Variants in ZNF516 observed in about 807,000 individuals in gnomAD.
ZNF516 encodes zinc finger protein 516.
ZNF516 carries 19 observed loss-of-function variants against 79.7 expected under a neutral mutation model. The observed-to-expected ratio is 0.24, with a 90% CI of 0.17 to 0.35. ZNF516 has a LOEUF of 0.35. ZNF516 is among the 10% of genes least tolerant of loss of function. The pLI, the probability that ZNF516 is intolerant of heterozygous loss-of-function variation, is 1.00. For missense variants in ZNF516, 1,678 were observed against 1,679.5 expected (o/e 1.00, Z 0.02); for synonymous variants, 877 against 739.5 (o/e 1.19, Z -3.02).
chr18:76,480,527 A>G (rs1568327492), intron 1 of ZNF516, among the ~76,000 whole-genome samples: 1 of 91,482 alleles, frequency 1.1e-5, no homozygotes, highest in South Asian at 4.5e-4. Flanking sequence ...ACACACACAT[A>G]TATTTTTTTT....
chr18:76,370,357 C>T (rs2074682134), intron 6 of ZNF516, among the ~76,000 whole-genome samples, 171 bp downstream of exon 6: 1 of 152,210 alleles, frequency 6.6e-6, no homozygotes, highest in East Asian at 1.9e-4. Flanking sequence ...TGTGCGGGTA[C>T]TGCCCACAGA....
intron 1 of ZNF516, among the ~76,000 whole-genome samples, chr18:76,494,885 G>A (rs1273184165): frequency 2.5e-5 from 1 of 40,484 alleles, no homozygotes; most frequent in African/African-American, 1.0e-4. Context: ...ACCACCTCCC[G>A]GGCGCTCGCC....
chr18:76,374,525 CG>C (rs1239562667), intron 4 of ZNF516, among the ~76,000 whole-genome samples: 3 of 152,248 alleles, frequency 2.0e-5, no homozygotes, highest in East Asian at 1.9e-4. Context: ...CATGTGGGGG[CG>C]GGGAAGTCTT....
intron 4 of ZNF516, among the ~76,000 whole-genome samples, chr18:76,373,682 T>C (rs1409891955): frequency 6.6e-6 from 1 of 152,276 alleles, no homozygotes; most frequent in Non-Finnish European, 1.5e-5. Context: ...TCATCCGTGC[T>C]TATTTCCTTG....
rs992073907 is a variant in ZNF516 at position 76,435,283 on chromosome 18, C to T, written c.1810+5962G>A. 4.6e-5 allele frequency among the ~76,000 whole-genome samples: 7 copies of T among 152,292 alleles called. 1 individual carries two copies. In the South Asian group the frequency reaches 6.2e-4, roughly 14 times the overall value. On this transcript the variant is annotated intron_variant, in intron 3 of 6. Transcript: ENST00000443185. ...CCGGAGTATAATCTCTGAAGTCTAACGCTTTTCACAGTCTAATAAATTCAT... is the reference window on the plus strand; with the variant it reads ...CCGGAGTATAATCTCTGAAGTCTAATGCTTTTCACAGTCTAATAAATTCAT...
At chr18:76,400,313 T>A (rs968619586) in intron 3 of ZNF516, among the ~76,000 whole-genome samples, 1 of 152,224 alleles carries the variant, frequency 6.6e-6, no homozygotes, top group Non-Finnish European at 1.5e-5. Flanking sequence ...CACAGAGGTT[T>A]ATGTTACAAT....
intron 1 of ZNF516, among the ~76,000 whole-genome samples, chr18:76,463,627 C>A (rs1476700722): frequency 6.6e-6 from 1 of 152,198 alleles, no homozygotes; most frequent in African/African-American, 2.4e-5. Flanking sequence ...GCCACCTACT[C>A]ACCTCCTCCG....
chr18:76,392,008 G>A (rs541140228), intron 3 of ZNF516, among the ~76,000 whole-genome samples: 14 of 152,318 alleles, frequency 9.2e-5, no homozygotes, highest in Admixed American at 2.0e-4. Flanking sequence ...TCTCTGCCGC[G>A]GCTCACAACG....
At chr18:76,385,776 G>GC (rs147872052) in intron 3 of ZNF516, 28,736 of 146,534 alleles carry the variant, frequency 0.2, 2,774 homozygotes, top group Middle Eastern at 0.29. Context: ...CCACTGCACT[G>GC]CCCCCCCCCC....
chr18:76,437,335 C>A, intron 3 of ZNF516, among the ~76,000 whole-genome samples: 2 of 152,028 alleles, frequency 1.3e-5, no homozygotes, highest in East Asian at 3.9e-4. Flanking sequence ...GCTCTGAGGA[C>A]GGGGCTGCTG....
chr18:76,390,777 T>TA (rs1253894998), intron 3 of ZNF516, among the ~76,000 whole-genome samples: 1 of 152,148 alleles, frequency 6.6e-6, no homozygotes, highest in Admixed American at 6.5e-5. Context: ...GGCGGTGTGA[T>TA]AAACACATGA....
chr18:76,390,150 C>G (rs569207992), intron 3 of ZNF516, among the ~76,000 whole-genome samples: 1 of 152,296 alleles, frequency 6.6e-6, no homozygotes, highest in South Asian at 2.1e-4. Context: ...TGGTCACGAC[C>G]CGGACCCCGG....
intron 3 of ZNF516, among the ~76,000 whole-genome samples, chr18:76,420,116 T>C (rs1372198720): frequency 6.6e-6 from 1 of 152,254 alleles, no homozygotes; most frequent in Admixed American, 6.5e-5. Flanking sequence ...TGCATTTCTG[T>C]AGGTTTTCAC....
In ZNF516 at chr18:76,358,237, A is replaced by G. The variant is rs1303968740; in HGVS notation, c.*4261T>C. On this transcript the variant is annotated 3_prime_UTR_variant, in exon 7 of 7. Coordinates refer to ENST00000443185, the MANE Select transcript of ZNF516 (RefSeq NM_014643.4). ...TTTATTTCAAATTCCAATAGAATGA[A>G]TATGTTTTATCTAAATATTTTTATC... is the stretch of plus-strand genomic sequence containing the variant. 3 of 152,256 alleles carry G rather than the reference A, an allele frequency of 2.0e-5. No homozygotes were observed. Among genetic ancestry groups the G allele is most frequent in the Admixed American group, 6.5e-5 (1 of 15,288 alleles). 9.4% of individuals were successfully genotyped at this position (152,256 alleles called of 1,614,324 possible).
At chr18:76,464,004 C>T (rs899889578) in intron 1 of ZNF516, among the ~76,000 whole-genome samples, 9 of 152,070 alleles carry the variant, frequency 5.9e-5, no homozygotes, top group African/African-American at 2.2e-4. Context: ...GGCACCACGC[C>T]ATGTTTCTCC....
intron 2 of ZNF516, among the ~76,000 whole-genome samples, chr18:76,462,139 G>A (rs1053986413): frequency 2.4e-4 from 36 of 152,114 alleles, no homozygotes; most frequent in Non-Finnish European, 1.3e-4. Flanking sequence ...AGCCTCCGCC[G>A]ATGAGCGCTG....
chr18:76,413,897 A>G (rs1319368633), intron 3 of ZNF516, among the ~76,000 whole-genome samples: 1 of 152,234 alleles, frequency 6.6e-6, no homozygotes, highest in Non-Finnish European at 1.5e-5. Context: ...CTGCTTATTT[A>G]AAAGGTTTCG....
chr18:76,456,966 T>C (rs1912768112), intron 2 of ZNF516, among the ~76,000 whole-genome samples: 1 of 152,218 alleles, frequency 6.6e-6, no homozygotes. Flanking sequence ...CACGCACAGG[T>C]ACCACCTGTT....
intron 3 of ZNF516, among the ~76,000 whole-genome samples, chr18:76,440,772 G>A (rs943156873): frequency 1.3e-5 from 2 of 152,052 alleles, no homozygotes; most frequent in Non-Finnish European, 1.5e-5. Context: ...GCGCGCACGC[G>A]CGCATGCATC....
Sources: allele counts gnomAD v4.1 joint callset (sites outside exome capture counted in the v4.1 genomes callset), GRCh38; gene constraint gnomAD v4.1.1; transcripts MANE v1.5; gene names NCBI Gene and HGNC (gene_info 2026-07-23, HGNC 2026-07-21).